Variants in TTC23L observed in about 807,000 individuals in gnomAD.
TTC23L encodes tetratricopeptide repeat protein 23-like.
In TTC23L, 42 loss-of-function variants were observed where a neutral mutation model predicts 48.1. The observed-to-expected ratio is 0.87, with a 90% CI of 0.68 to 1.13. TTC23L has a LOEUF of 1.13. Among genes scored for constraint, TTC23L ranks in the 50% most tolerant of loss-of-function variants. The probability of loss-of-function intolerance (pLI) is 0.00; values close to 1 mark genes in which losing one functional copy is unlikely to be tolerated. For missense variants in TTC23L, 391 were observed against 421.0 expected (o/e 0.93, Z 0.62); for synonymous variants, 159 against 157.2 (o/e 1.01, Z -0.09).
At chr5:34,889,032 T>C (rs138849037) in intron 9 of TTC23L, among the ~76,000 whole-genome samples, 22 of 152,314 alleles carry the variant, frequency 1.4e-4, no homozygotes, top group African/African-American at 5.1e-4. Context: ...AAGAGAGTTT[T>C]GTATAGACTT....
At chr5:34,852,957 A>G (rs1204164617) in intron 4 of TTC23L, among the ~76,000 whole-genome samples, 3 of 152,150 alleles carry the variant, frequency 2.0e-5, no homozygotes, top group African/African-American at 4.8e-5. Flanking sequence ...ATCTCATGAG[A>G]TGTATTCACT....
intron 8 of TTC23L, 142 bp from the exon 9 acceptor site, chr5:34,880,039 A>C: frequency 1.1e-6 from 1 of 941,098 alleles, no homozygotes. Flanking sequence ...CACACATCTT[A>C]GACTTTTAAA....
intron 7 of TTC23L, 131 bp from the exon 8 acceptor site, chr5:34,868,773 GA>G: frequency 1.4e-6 from 1 of 718,078 alleles, no homozygotes. Flanking sequence ...TTCTACGAAT[GA>G]AGGTGAAATT....
chr5:34,842,960 G>A (rs947744340), intron 2 of TTC23L, among the ~76,000 whole-genome samples: 1 of 152,052 alleles, frequency 6.6e-6, no homozygotes, highest in Non-Finnish European at 1.5e-5. Context: ...TGAGTAGCTG[G>A]GATTACAGTC....
chr5:34,914,939 C>T, the TTC23L span: 10 of 1,603,810 alleles, frequency 6.2e-6, no homozygotes, highest in South Asian at 1.1e-5. Flanking sequence ...GGGCCAACAA[C>T]TTCTCGGCGG....
chr5:34,871,676 G>T (rs901622127), intron 8 of TTC23L, among the ~76,000 whole-genome samples: 1 of 152,082 alleles, frequency 6.6e-6, no homozygotes, highest in Admixed American at 6.6e-5. Context: ...AAGAGAATGT[G>T]GTATATTGGT....
At chr5:34,920,687 T>C in the TTC23L span, 1 of 152,154 alleles carries the variant, frequency 6.6e-6, no homozygotes, top group Non-Finnish European at 1.5e-5. Context: ...GGGATGGTGT[T>C]TAATATTTGA....
chr5:34,851,121 A>G (rs1759642195), intron 4 of TTC23L, among the ~76,000 whole-genome samples: 1 of 152,122 alleles, frequency 6.6e-6, no homozygotes, highest in African/African-American at 2.4e-5. Context: ...TTGATCTAGA[A>G]CAGTCCTTTG....
At chr5:34,906,239 G>A in the TTC23L span, 4 of 152,056 alleles carry the variant, frequency 2.6e-5, no homozygotes, top group African/African-American at 9.7e-5. Flanking sequence ...TTACAGGTGT[G>A]AGCCACCACT....
At chr5:34,881,043 C>T (rs1031155348) in intron 9 of TTC23L, among the ~76,000 whole-genome samples, 3 of 152,034 alleles carry the variant, frequency 2.0e-5, no homozygotes, top group African/African-American at 7.2e-5. Context: ...TAAAGCCTGT[C>T]TTGTTTGGAG....
chr5:34,842,093 C>T (rs1419297616), intron 2 of TTC23L, among the ~76,000 whole-genome samples: 1 of 152,116 alleles, frequency 6.6e-6, no homozygotes, highest in African/African-American at 2.4e-5. Context: ...AAATATAATG[C>T]AAACCACATA....
chr5:34,856,148 G>C (rs1418295733), intron 4 of TTC23L, among the ~76,000 whole-genome samples: 1 of 152,160 alleles, frequency 6.6e-6, no homozygotes, highest in Non-Finnish European at 1.5e-5. Flanking sequence ...AGTGGACTGG[G>C]AGAGGAATGC....
intron 8 of TTC23L, among the ~76,000 whole-genome samples, chr5:34,879,927 C>T (rs754954674): frequency 3.9e-5 from 6 of 152,062 alleles, no homozygotes; most frequent in Non-Finnish European, 7.4e-5. Context: ...ACCCAGGAGG[C>T]AGAGGTTGCA....
At chr5:34,919,887 A>G in the TTC23L span, 2 of 1,136,994 alleles carry the variant, frequency 1.8e-6, no homozygotes, top group Non-Finnish European at 2.6e-6. Flanking sequence ...TAACGAGGTA[A>G]TTTTGGAAAG....
the TTC23L span, chr5:34,914,024 C>G: frequency 2.2e-6 from 1 of 456,502 alleles, no homozygotes; most frequent in Non-Finnish European, 4.4e-6. Context: ...CCATACCATG[C>G]CCCTGCATGA....
the TTC23L span, chr5:34,908,691 C>CA: frequency 3.8e-6 from 5 of 1,319,808 alleles, no homozygotes; most frequent in South Asian, 4.5e-5. Context: ...TATGAAATGA[C>CA]AAAGAGTACT....
intron 4 of TTC23L, among the ~76,000 whole-genome samples, chr5:34,859,038 A>G (rs961433170): frequency 6.6e-6 from 1 of 152,158 alleles, no homozygotes; most frequent in South Asian, 2.1e-4. Context: ...CAGGCTTTCA[A>G]AAGCCTCAGG....
intron 3 of TTC23L, among the ~76,000 whole-genome samples, chr5:34,846,981 A>G (rs889207258): frequency 1.3e-5 from 2 of 152,184 alleles, no homozygotes; most frequent in African/African-American, 4.8e-5. Flanking sequence ...AAGCATGAGT[A>G]TTCAAAATCC....
chr5:34,919,471 T>C, the TTC23L span, among the ~76,000 whole-genome samples: 1 of 152,136 alleles, frequency 6.6e-6, no homozygotes, highest in African/African-American at 2.4e-5. Flanking sequence ...CAGTTTTCTT[T>C]GACACCTAAG....
Sources: allele counts gnomAD v4.1 joint callset (sites outside exome capture counted in the v4.1 genomes callset), GRCh38; gene constraint gnomAD v4.1.1; transcripts MANE v1.5; gene names NCBI Gene and HGNC (gene_info 2026-07-23, HGNC 2026-07-21).